The following ARID1B variants were observed in gnomAD, a reference collection of about 807,000 sequenced individuals.
ARID1B encodes the protein AT-rich interaction domain 1B.
A neutral mutation model predicts 212.3 loss-of-function variants in ARID1B; 30 were observed. The observed-to-expected ratio is 0.14, with a 90% CI of 0.11 to 0.19. The LOEUF (loss-of-function observed/expected upper bound fraction) is 0.19. ARID1B is among the 10% of genes least tolerant of loss of function. The pLI is 1.00. For missense variants in ARID1B, 2,891 were observed against 3,204.0 expected, an observed-to-expected ratio of 0.90 and a Z score of 2.36; for synonymous variants, 1,402 against 1,301.7, an observed-to-expected ratio of 1.08 and a Z score of -1.66.
intron 4 of ARID1B, among the ~76,000 whole-genome samples, chr6:157,066,869 G>A (rs957527526): frequency 1.3e-5 from 2 of 152,002 alleles, no homozygotes; most frequent in Non-Finnish European, 2.9e-5. Context: ...TTCTTTCTCT[G>A]GCTTGTTTTT....
intron 8 of ARID1B, among the ~76,000 whole-genome samples, chr6:157,161,899 C>T (rs569592414): frequency 9.2e-5 from 14 of 152,220 alleles, no homozygotes; most frequent in Non-Finnish European, 1.6e-4. Flanking sequence ...GTACACCTGG[C>T]ACTCGCACTC....
intron 7 of ARID1B, among the ~76,000 whole-genome samples, chr6:157,146,497 C>CT (rs1163701611): frequency 6.6e-6 from 1 of 152,204 alleles, no homozygotes; most frequent in Non-Finnish European, 1.5e-5. Context: ...CAAGGGGACC[C>CT]TCAAGCCCTC....
chr6:156,881,299 A>G (rs757060035), intron 2 of ARID1B, among the ~76,000 whole-genome samples: 2 of 152,184 alleles, frequency 1.3e-5, no homozygotes, highest in Admixed American at 6.5e-5. Flanking sequence ...AGGGTTTAGT[A>G]TATGGTATTT....
intron 5 of ARID1B, among the ~76,000 whole-genome samples, chr6:157,091,180 CA>C (rs1240910433): frequency 6.6e-6 from 1 of 152,320 alleles, no homozygotes; most frequent in African/African-American, 2.4e-5. Flanking sequence ...GCAGCTTTAT[CA>C]TGGCCATTCC....
At chr6:156,870,272 T>G (rs169646) in intron 2 of ARID1B, 22,075 of 152,208 alleles carry the variant, frequency 0.15, 1,857 homozygotes, top group Non-Finnish European at 0.19. Flanking sequence ...CAGTAAATCC[T>G]TTTGCCTCCC....
At position 156,807,929 on chromosome 6, in the gene ARID1B, T is replaced by C. The variant is rs551449027; in HGVS notation, c.1792-21298T>C. ...GCCCGGAAGGATCAGGATAGGGTCT[T>C]TGGGTCTGAGTCCTGCGTGACTTCC... On this transcript the variant is annotated intron_variant, in intron 1 of 19. Coordinates refer to ENST00000636930, the MANE Select transcript of ARID1B (RefSeq NM_001374828.1). Among the ~76,000 whole-genome samples, 12 of 152,352 alleles carry C rather than the reference T, an allele frequency of 7.9e-5. No individual in the cohort carries two copies. The South Asian group carries it at 2.5e-3, about 32-fold the overall frequency.
chr6:157,183,501 T>C (rs1351688620), intron 12 of ARID1B, among the ~76,000 whole-genome samples: 3 of 152,326 alleles, frequency 2.0e-5, no homozygotes, highest in East Asian at 3.9e-4. Context: ...TGTTTAACCG[T>C]TTAACCTTTC....
intron 2 of ARID1B, among the ~76,000 whole-genome samples, chr6:156,877,496 C>T (rs1382616746): frequency 6.8e-6 from 1 of 146,860 alleles, no homozygotes; most frequent in Non-Finnish European, 1.5e-5. Context: ...TACATTTATT[C>T]AACGTCTACT....
intron 4 of ARID1B, among the ~76,000 whole-genome samples, chr6:156,962,592 C>G (rs1794464101): frequency 6.6e-6 from 1 of 152,136 alleles, no homozygotes; most frequent in Admixed American, 6.5e-5. Context: ...AAGCGATCCT[C>G]CAACTTCAGC....
chr6:156,817,015 AG>A (rs1331810572), intron 1 of ARID1B, among the ~76,000 whole-genome samples: 1 of 151,912 alleles, frequency 6.6e-6, no homozygotes, highest in Non-Finnish European at 1.5e-5. Flanking sequence ...GGGAGGGAGA[AG>A]GGAAGATTCT....
chr6:157,135,624 T>G (rs1227440334), intron 7 of ARID1B, among the ~76,000 whole-genome samples: 1 of 152,172 alleles, frequency 6.6e-6, no homozygotes, highest in Non-Finnish European at 1.5e-5. Flanking sequence ...GTACTCTCAA[T>G]GTCCAAATCA....
rs6912981 is a variant in ARID1B, at chr6:157,084,700, G to A, written c.2286G>A (p.Thr762=). ...CCATTGATGACCTCCCCACGGGAACGGAAGCAACTTTGAGCTCAGCAGTCA... is the reference window on the plus strand; with the variant it reads ...CCATTGATGACCTCCCCACGGGAACAGAAGCAACTTTGAGCTCAGCAGTCA... ...SGSIDDLPTG[T]EATLSSAVSA... The change falls in exon 5 of 20, where the codon ACG becomes ACA. Residue 762 remains threonine, a synonymous_variant. Coordinates refer to ENST00000636930, the MANE Select transcript of ARID1B (RefSeq NM_001374828.1). 538 of 1,614,104 alleles carry A rather than the reference G, an allele frequency of 3.3e-4. No homozygotes were observed. In the African/African-American group the frequency reaches 6.5e-3, roughly 19 times the overall value.
chr6:157,162,954 G>A lies in ARID1B; in HGVS notation c.3090-4086G>A, dbSNP rs572737193. Reference sequence around the variant, plus strand: ...GTCCTTTGTAACAGACATGAAGCCCGCAGGCCCCCTGGAAGCCAGAGCCCA... The same window carrying A: ...GTCCTTTGTAACAGACATGAAGCCCACAGGCCCCCTGGAAGCCAGAGCCCA... On this transcript the variant is annotated intron_variant, in intron 8 of 19. Transcript: ENST00000636930. 1.1e-4 allele frequency among the ~76,000 whole-genome samples: 17 copies of A among 152,280 alleles called. No homozygotes were observed. The South Asian group carries it at 3.3e-3, about 30-fold the overall frequency.
intron 8 of ARID1B, chr6:157,150,911 T>TA (rs1047144091): frequency 1.5e-4 from 26 of 175,282 alleles, no homozygotes; most frequent in African/African-American, 6.2e-4. Flanking sequence ...CTGAAACTGT[T>TA]AACGATCGTG....
intron 9 of ARID1B, among the ~76,000 whole-genome samples, chr6:157,172,103 C>T (rs1459920789): frequency 1.3e-5 from 2 of 152,192 alleles, no homozygotes; most frequent in South Asian, 2.1e-4. Context: ...CATGTGGACT[C>T]GCATACATAA....
chr6:157,196,432 C>T (rs144114170), intron 16 of ARID1B, 117 bp downstream of exon 16: 21 of 1,317,714 alleles, frequency 1.6e-5, no homozygotes, highest in Admixed American at 2.7e-5. Context: ...TGTCCCCTTT[C>T]CTGTGAAAGT....
rs527651886 is a variant in ARID1B, at chr6:157,201,220, G to A, written c.4995G>A (p.Thr1665=). 37 of 1,613,730 alleles carry A rather than the reference G, an allele frequency of 2.3e-5. No homozygotes were observed. In the South Asian group the frequency reaches 3.2e-4, roughly 14 times the overall value. Reference sequence around the variant, plus strand: ...GCCCACCACAGCCGTCCTACCAGACGCCACCGTCACTGCCAAATCACATCT... The same window carrying A: ...GCCCACCACAGCCGTCCTACCAGACACCACCGTCACTGCCAAATCACATCT... ...ITRPPQPSYQ[T]PPSLPNHISR... Residue 1665 remains threonine, a synonymous_variant, in exon 18 of 20, where the codon ACG becomes ACA. Transcript: ENST00000636930. The surrounding 1 kb of genome is among the most constrained non-coding windows in gnomAD (Gnocchi z 5.2).
intron 4 of ARID1B, among the ~76,000 whole-genome samples, chr6:157,080,632 G>A (rs1487708732): frequency 6.6e-6 from 1 of 152,122 alleles, no homozygotes; most frequent in East Asian, 1.9e-4. Flanking sequence ...TATTCATGCT[G>A]CATGTTAATT....
intron 19 of ARID1B, chr6:157,205,596 C>T (rs1794384086): frequency 6.6e-6 from 1 of 152,180 alleles, no homozygotes; most frequent in Admixed American, 6.5e-5. Flanking sequence ...TTTCAGTGTT[C>T]ATGAGCTACC....
Sources: gnomAD v4.1 joint callset for allele counts (sites outside exome capture counted in the v4.1 genomes callset) on GRCh38, gnomAD v4.1.1 for gene constraint, Gnocchi (gnomAD v3.1) non-coding constraint, MANE v1.5 for transcripts, NCBI Gene and HGNC (gene_info 2026-07-23, HGNC 2026-07-21) for gene names.